The following SEMA3C variants were observed in gnomAD, a reference collection of about 807,000 sequenced individuals.
SEMA3C encodes semaphorin 3C, also known as semaphorin-3C.
In SEMA3C, 47 loss-of-function variants were observed where a neutral mutation model predicts 89.4. The ratio of observed to expected loss-of-function variants is 0.53; its 90% confidence interval spans 0.42 to 0.67. The LOEUF (loss-of-function observed/expected upper bound fraction) is 0.67, where lower values mean the gene tolerates loss of function less well. SEMA3C is among the 30% of genes least tolerant of loss of function. The pLI, the probability that SEMA3C is intolerant of heterozygous loss-of-function variation, is 0.00. For missense variants in SEMA3C, 839 were observed against 929.1 expected, an observed-to-expected ratio of 0.90 and a Z score of 1.26; for synonymous variants, 310 against 320.2, an observed-to-expected ratio of 0.97 and a Z score of 0.34.
chr7:80,898,252 G>T (rs1791787538), intron 2 of SEMA3C, among the ~76,000 whole-genome samples: 1 of 152,096 alleles, frequency 6.6e-6, no homozygotes, highest in African/African-American at 2.4e-5. Context: ...TGTAGTCCCA[G>T]CTACTCGGGA....
chr7:80,875,781 T>TA, intron 2 of SEMA3C, among the ~76,000 whole-genome samples: 1 of 151,382 alleles, frequency 6.6e-6, no homozygotes, highest in Non-Finnish European at 1.5e-5. Context: ...AGTGCAAGAG[T>TA]AGTGATGCAG....
chr7:80,882,333 AAAC>A (rs1421801927), intron 2 of SEMA3C, among the ~76,000 whole-genome samples: 2 of 151,814 alleles, frequency 1.3e-5, no homozygotes, highest in Non-Finnish European at 2.9e-5. Flanking sequence ...CTTAGAGACT[AAAC>A]CATAGCAAGG....
At chr7:80,774,196 A>T (rs560241208) in intron 12 of SEMA3C, among the ~76,000 whole-genome samples, 1 of 152,340 alleles carries the variant, frequency 6.6e-6, no homozygotes, top group East Asian at 1.9e-4. Context: ...CAAAGTGATC[A>T]GCTAATAATA....
In SEMA3C at chr7:80,837,767, G is replaced by C. The variant is rs191731848; in HGVS notation, c.104-9022C>G. On this transcript the variant is annotated intron_variant, in intron 2 of 17. Coordinates refer to ENST00000265361, the MANE Select transcript of SEMA3C (RefSeq NM_006379.5). The stretch of plus-strand genomic sequence containing the variant: ...TCATAAAAGCTTTCTCGATCCTTTA[G>C]ACAAAGTCAGGTCTCAGGTTCGCTG... 1.6e-3 allele frequency among the ~76,000 whole-genome samples: 248 copies of C among 152,212 alleles called. 2 individuals carry two copies. Among genetic ancestry groups the C allele is most frequent in the African/African-American group, 5.7e-3 (237 of 41,536 alleles).
intron 7 of SEMA3C, 119 bp downstream of exon 7, chr7:80,805,520 T>G: frequency 1.3e-6 from 1 of 743,828 alleles, no homozygotes; most frequent in South Asian, 2.5e-5. Context: ...AGAATTACCA[T>G]TATTCATGTA....
chr7:80,783,499 G>A (rs1416733750), intron 12 of SEMA3C, among the ~76,000 whole-genome samples: 1 of 152,124 alleles, frequency 6.6e-6, no homozygotes. Flanking sequence ...AACTTACAAA[G>A]GGTTTTTTCC....
At chr7:80,904,632 A>G (rs1583996827) in intron 2 of SEMA3C, among the ~76,000 whole-genome samples, 1 of 152,304 alleles carries the variant, frequency 6.6e-6, no homozygotes, top group East Asian at 1.9e-4. Context: ...CTGCTAGAAC[A>G]CTAGATTGAA....
intron 14 of SEMA3C, among the ~76,000 whole-genome samples, chr7:80,760,276 A>T (rs1405271551): frequency 6.6e-6 from 1 of 152,234 alleles, no homozygotes; most frequent in African/African-American, 2.4e-5. Context: ...ATAACTAAAT[A>T]TAGTTAAAAC....
chr7:80,755,441 T>C (rs1788043590), intron 15 of SEMA3C, among the ~76,000 whole-genome samples: 1 of 150,624 alleles, frequency 6.6e-6, no homozygotes, highest in Non-Finnish European at 1.5e-5. Flanking sequence ...TTATTTGTTA[T>C]ACAAAAATGC....
chr7:80,748,771 C>T (rs1787855975), intron 17 of SEMA3C, 127 bp downstream of exon 17: 3 of 909,670 alleles, frequency 3.3e-6, no homozygotes, highest in African/African-American at 1.7e-5. Flanking sequence ...TGGCACTTGT[C>T]ATCCCAAAGA....
At chr7:80,887,248 T>C (rs1466783150) in intron 2 of SEMA3C, among the ~76,000 whole-genome samples, 2 of 152,202 alleles carry the variant, frequency 1.3e-5, no homozygotes, top group African/African-American at 2.4e-5. Context: ...AAACAGATTA[T>C]GCTCACCAAT....
intron 13 of SEMA3C, among the ~76,000 whole-genome samples, chr7:80,763,888 G>C (rs1374693522): frequency 6.6e-6 from 1 of 152,086 alleles, no homozygotes; most frequent in African/African-American, 2.4e-5. Context: ...AAAAGCACTT[G>C]TCTGAATATC....
intron 2 of SEMA3C, among the ~76,000 whole-genome samples, chr7:80,857,728 GA>G (rs986295931): frequency 6.6e-6 from 1 of 152,092 alleles, no homozygotes; most frequent in Non-Finnish European, 1.5e-5. Context: ...TAATATTGGG[GA>G]AAATAGTTTG....
intron 4 of SEMA3C, among the ~76,000 whole-genome samples, chr7:80,822,378 C>CA (rs36125949): frequency 0.26 from 35,749 of 139,100 alleles, 4,514 homozygotes; most frequent in East Asian, 0.37. Flanking sequence ...AACATTTCAG[C>CA]AAAAAAAAAT....
chr7:80,784,752 A>G (rs2117099232), intron 12 of SEMA3C, among the ~76,000 whole-genome samples: 1 of 152,338 alleles, frequency 6.6e-6, no homozygotes, highest in Non-Finnish European at 1.5e-5. Context: ...CTATATTTTA[A>G]TAAAACTTTC....
At chr7:80,838,123 A>G (rs1790176495) in intron 2 of SEMA3C, among the ~76,000 whole-genome samples, 1 of 152,180 alleles carries the variant, frequency 6.6e-6, no homozygotes, top group Admixed American at 6.5e-5. Context: ...TGAAATATTA[A>G]TACTTTATCA....
At chr7:80,840,546 G>T (rs1290110557) in intron 2 of SEMA3C, among the ~76,000 whole-genome samples, 4 of 140,830 alleles carry the variant, frequency 2.8e-5, no homozygotes, top group Non-Finnish European at 4.7e-5. Context: ...AAAAAAAAGA[G>T]CGAGAGAGAG....
At chr7:80,759,492 G>C (rs1205683801) in intron 14 of SEMA3C, among the ~76,000 whole-genome samples, 4 of 152,096 alleles carry the variant, frequency 2.6e-5, no homozygotes, top group Non-Finnish European at 5.9e-5. Context: ...CTGAATCACA[G>C]CCTCCTCACT....
chr7:80,802,650 C>A lies in SEMA3C; in HGVS notation c.916+15G>T, dbSNP rs771653984. ...CCTTCTTTCAGAAGCATTTTTCAAT[C>A]TCATATGTATGTACCTAATTCATCA... On this transcript the variant is annotated intron_variant, in intron 9 of 17. Transcript: ENST00000265361. 2 of 1,548,858 alleles carry A rather than the reference C, an allele frequency of 1.3e-6. No homozygotes were observed. The highest frequency in any genetic ancestry group is 1.8e-6 in the Non-Finnish European group (2 of 1,125,598).
Sources: gnomAD v4.1 joint callset for allele counts (sites outside exome capture counted in the v4.1 genomes callset) on GRCh38, gnomAD v4.1.1 for gene constraint, MANE v1.5 for transcripts, NCBI Gene and HGNC (gene_info 2026-07-23, HGNC 2026-07-21) for gene names.